The following RGS8 variants were observed in gnomAD, a reference collection of about 807,000 sequenced individuals.
RGS8 encodes regulator of G protein signaling 8.
Under a neutral mutation model 21.7 loss-of-function variants are expected in RGS8, and 8 were observed. That is an observed-to-expected ratio of 0.37 (90% CI 0.22 to 0.66). RGS8 has a LOEUF of 0.66. Ranked by LOEUF, RGS8 falls within the 30% of genes least tolerant of loss-of-function variation. The pLI, the probability that RGS8 is intolerant of heterozygous loss-of-function variation, is 0.59. For missense variants in RGS8, 157 were observed against 217.9 expected, an observed-to-expected ratio of 0.72 and a Z score of 1.76; for synonymous variants, 80 against 83.6, an observed-to-expected ratio of 0.96 and a Z score of 0.24.
the RGS8 span, among the ~76,000 whole-genome samples, chr1:182,692,675 C>CAA: frequency 7.9e-3 from 222 of 27,992 alleles, 4 homozygotes; most frequent in Middle Eastern, 0.029. Context: ...CAATCCTAAG[C>CAA]AAAAAAAAAA....
the RGS8 span, among the ~76,000 whole-genome samples, chr1:182,744,148 A>G: frequency 6.6e-6 from 1 of 152,208 alleles, no homozygotes; most frequent in Non-Finnish European, 1.5e-5. Flanking sequence ...TTTAAAGTAT[A>G]AAATCCAATG....
intron 5 of RGS8, among the ~76,000 whole-genome samples, chr1:182,655,137 A>G (rs1323578457): frequency 6.6e-6 from 1 of 152,232 alleles, no homozygotes. Context: ...GAGAAGCCAA[A>G]TAACTTCCAC....
At chr1:182,749,961 A>G in the RGS8 span, among the ~76,000 whole-genome samples, 1 of 152,090 alleles carries the variant, frequency 6.6e-6, no homozygotes, top group Non-Finnish European at 1.5e-5. Context: ...AACCTCTCTT[A>G]GTCTGTTTCT....
the RGS8 span, among the ~76,000 whole-genome samples, chr1:182,721,607 A>C: frequency 6.6e-6 from 1 of 152,134 alleles, no homozygotes; most frequent in Non-Finnish European, 1.5e-5. Context: ...AGCCAGGGAT[A>C]TTGACTTTGA....
intron 4 of RGS8, 50 bp downstream of exon 5, chr1:182,666,820 CTA>C: frequency 7.5e-7 from 1 of 1,334,110 alleles, no homozygotes; most frequent in African/African-American, 1.4e-5. Flanking sequence ...AAGAAGTGAG[CTA>C]TATGACTTGC....
At chr1:182,660,025 C>A (rs577098727) in intron 5 of RGS8, among the ~76,000 whole-genome samples, 1 of 152,260 alleles carries the variant, frequency 6.6e-6, no homozygotes, top group Admixed American at 6.5e-5. Context: ...CCTGTGGGAT[C>A]AAGAAGCTGA....
the RGS8 span, among the ~76,000 whole-genome samples, chr1:182,696,682 C>T: frequency 8.1e-4 from 123 of 152,360 alleles, no homozygotes; most frequent in Non-Finnish European, 1.3e-3. Flanking sequence ...ATCTGGTGCC[C>T]TGATTTCAAT....
upstream of RGS8, among the ~76,000 whole-genome samples, chr1:182,687,833 T>C (rs1664740750): frequency 6.6e-6 from 1 of 152,092 alleles, no homozygotes; most frequent in Non-Finnish European, 1.5e-5. Context: ...ACTGAACCAA[T>C]ACAGAAAATA....
chr1:182,742,728 G>A, the RGS8 span, among the ~76,000 whole-genome samples: 7 of 136,328 alleles, frequency 5.1e-5, no homozygotes, highest in African/African-American at 1.8e-4. Flanking sequence ...GGGAGACCGT[G>A]GAAAGAGAGG....
chr1:182,697,692 T>G, the RGS8 span, among the ~76,000 whole-genome samples: 1 of 152,226 alleles, frequency 6.6e-6, no homozygotes, highest in Non-Finnish European at 1.5e-5. Flanking sequence ...CACTTTTTTT[T>G]TCACATTTTC....
At chr1:182,715,548 T>C in the RGS8 span, among the ~76,000 whole-genome samples, 1 of 152,202 alleles carries the variant, frequency 6.6e-6, no homozygotes, top group Non-Finnish European at 1.5e-5. Flanking sequence ...CACCTAGAAG[T>C]GACCCAGCAT....
chr1:182,740,351 T>G, the RGS8 span, among the ~76,000 whole-genome samples: 1 of 152,216 alleles, frequency 6.6e-6, no homozygotes, highest in Non-Finnish European at 1.5e-5. Flanking sequence ...TGATACTTAT[T>G]CTGTTCTAGG....
chr1:182,673,016 C>T, upstream of RGS8: 1 of 666,086 alleles, frequency 1.5e-6, no homozygotes, highest in Non-Finnish European at 2.6e-6. Context: ...AATCAGCCTT[C>T]CAGGTGACTG....
chr1:182,666,955 A>C, exon 4 of RGS8: 2 of 1,614,018 alleles, frequency 1.2e-6, no homozygotes, highest in Non-Finnish European at 1.7e-6. Flanking sequence ...ATCCCAGTCG[A>C]GTCCTCATCC....
the RGS8 span, among the ~76,000 whole-genome samples, chr1:182,691,061 C>T: frequency 1.3e-5 from 2 of 152,322 alleles, no homozygotes; most frequent in African/African-American, 4.8e-5. Flanking sequence ...TGAGTGAGTT[C>T]ATATTAGATA....
At chr1:182,665,155 G>A (rs1188904677) in intron 5 of RGS8, among the ~76,000 whole-genome samples, 1 of 152,200 alleles carries the variant, frequency 6.6e-6, no homozygotes, top group Non-Finnish European at 1.5e-5. Flanking sequence ...AAGAGGAGCA[G>A]GAAATGTCTA....
the RGS8 span, among the ~76,000 whole-genome samples, chr1:182,735,951 G>A: frequency 6.6e-6 from 1 of 152,118 alleles, no homozygotes; most frequent in Non-Finnish European, 1.5e-5. Flanking sequence ...CTTTGGGTTA[G>A]GACAATGTTT....
the RGS8 span, among the ~76,000 whole-genome samples, chr1:182,714,817 G>T: frequency 6.6e-6 from 1 of 152,108 alleles, no homozygotes; most frequent in South Asian, 2.1e-4. Context: ...TGCTCCAGAT[G>T]TTTCATTTTC....
the RGS8 span, among the ~76,000 whole-genome samples, chr1:182,731,882 G>A: frequency 6.6e-6 from 1 of 152,160 alleles, no homozygotes; most frequent in Non-Finnish European, 1.5e-5. Context: ...CCAAGCCTTG[G>A]TTCCAACTAA....
Sources: gnomAD v4.1 joint callset for allele counts (sites outside exome capture counted in the v4.1 genomes callset) on GRCh38, gnomAD v4.1.1 for gene constraint, MANE v1.5 for transcripts, NCBI Gene and HGNC (gene_info 2026-07-23, HGNC 2026-07-21) for gene names.